The following SOX6 variants were observed in gnomAD, a reference collection of about 807,000 sequenced individuals.
SOX6 encodes the protein SRY-box transcription factor 6, also known as transcription factor SOX-6.
In SOX6, 11 loss-of-function variants were observed where a neutral mutation model predicts 97.8. The ratio of observed to expected loss-of-function variants is 0.11; its 90% CI spans 0.07 to 0.19. The LOEUF (loss-of-function observed/expected upper bound fraction) is 0.19. Ranked by LOEUF, SOX6 falls within the 10% of genes least tolerant of loss-of-function variation. The pLI, the probability that SOX6 is intolerant of heterozygous loss-of-function variation, is 1.00. For missense variants in SOX6, 810 were observed against 1,039.5 expected (o/e 0.78, Z 3.04); for synonymous variants, 360 against 371.4 (o/e 0.97, Z 0.35).
intron 1 of SOX6, among the ~76,000 whole-genome samples, chr11:16,424,551 A>G (rs1409657666): frequency 1.3e-5 from 2 of 152,230 alleles, no homozygotes; most frequent in Non-Finnish European, 2.9e-5. Context: ...GTAAAAAGGC[A>G]CAAGTGGTGA....
chr11:16,613,285 C>T lies in SOX6; in HGVS notation n.430-1025G>A, dbSNP rs1197061380. ...TCTCTCTTCCCCACCCCCAACTACC[C>T]CTGCCACTCAGATCAGCCGGCATGC... is the stretch of plus-strand genomic sequence containing the variant. On this transcript the variant is annotated intron_variant and non_coding_transcript_variant, in intron 3 of 5. Transcript: ENST00000524520. This position sits in a 1 kb window ranked among gnomAD's most constrained non-coding sequence, Gnocchi z 4.6. 6.6e-6 allele frequency: 1 copy of T among 152,602 alleles called. No homozygotes were observed. 9.5% of individuals were successfully genotyped at this position (152,602 alleles called of 1,614,324 possible).
At chr11:16,000,252 A>T (rs1042421463) in intron 13 of SOX6, among the ~76,000 whole-genome samples, 1 of 152,228 alleles carries the variant, frequency 6.6e-6, no homozygotes, top group African/African-American at 2.4e-5. Context: ...GGCAAAATAC[A>T]TTCCATGGCG....
At chr11:16,612,744 G>A (rs1437137221) in intron 3 of SOX6, among the ~76,000 whole-genome samples, 2 of 151,860 alleles carry the variant, frequency 1.3e-5, no homozygotes, top group South Asian at 2.1e-4. Flanking sequence ...TCTCCCCCAC[G>A]TCACCCTCCT....
intron 4 of SOX6, among the ~76,000 whole-genome samples, chr11:16,190,311 G>C (rs1851593574): frequency 6.6e-6 from 1 of 152,158 alleles, no homozygotes; most frequent in Admixed American, 6.5e-5. Context: ...CCTTAAACTT[G>C]AGGAGTACAT....
intron 4 of SOX6, among the ~76,000 whole-genome samples, chr11:16,566,530 C>A (rs1345740533): frequency 2.0e-5 from 3 of 152,192 alleles, no homozygotes; most frequent in African/African-American, 7.2e-5. Context: ...GTCAGCTAAG[C>A]CTATTGTATC....
intron 1 of SOX6, among the ~76,000 whole-genome samples, chr11:16,427,824 T>C (rs1184350795): frequency 6.6e-6 from 1 of 152,234 alleles, no homozygotes; most frequent in Non-Finnish European, 1.5e-5. Context: ...GCATGATTTA[T>C]AATCCTTTGG....
chr11:16,524,478 A>G (rs1352439555), intron 4 of SOX6, among the ~76,000 whole-genome samples: 2 of 152,118 alleles, frequency 1.3e-5, no homozygotes, highest in Non-Finnish European at 2.9e-5. Context: ...GATGGGACAT[A>G]TCTCAAAATA....
intron 3 of SOX6, among the ~76,000 whole-genome samples, chr11:16,625,139 T>A (rs556680830): frequency 1.3e-5 from 2 of 152,320 alleles, no homozygotes; most frequent in African/African-American, 2.4e-5. Context: ...AAAGTCCACA[T>A]TATTAGTTTT....
intron 3 of SOX6, among the ~76,000 whole-genome samples, chr11:16,673,053 C>T (rs971606823): frequency 6.6e-6 from 1 of 152,112 alleles, no homozygotes; most frequent in African/African-American, 2.4e-5. Flanking sequence ...GCTTGAGCGA[C>T]AGAGCAAGAC....
chr11:16,201,673 G>A (rs1249557447), intron 4 of SOX6, among the ~76,000 whole-genome samples: 6 of 112,846 alleles, frequency 5.3e-5, no homozygotes, highest in African/African-American at 1.8e-4. Context: ...TCGCTCTGTC[G>A]CCCAGGCTGG....
intron 6 of SOX6, among the ~76,000 whole-genome samples, chr11:16,173,648 C>A (rs1589996206): frequency 6.8e-6 from 1 of 147,488 alleles, no homozygotes; most frequent in Non-Finnish European, 1.5e-5. Context: ...AGAAAAACTA[C>A]TAGTAAATTT....
chr11:16,236,345 A>G (rs1350482470), intron 3 of SOX6, among the ~76,000 whole-genome samples: 1 of 152,110 alleles, frequency 6.6e-6, no homozygotes, highest in Non-Finnish European at 1.5e-5. Flanking sequence ...AGTCATAAAA[A>G]TGATAATACT....
chr11:16,475,245 G>A (rs1860220097), intron 1 of SOX6, among the ~76,000 whole-genome samples: 1 of 152,164 alleles, frequency 6.6e-6, no homozygotes, highest in Non-Finnish European at 1.5e-5. Context: ...ATTAACTGGA[G>A]TAGCACTTTG....
chr11:16,130,222 A>G (rs977754627), intron 6 of SOX6, among the ~76,000 whole-genome samples: 2 of 151,940 alleles, frequency 1.3e-5, no homozygotes, highest in African/African-American at 2.4e-5. Flanking sequence ...AATTTTAACC[A>G]AAGTTTATAA....
chr11:16,566,381 TG>T (rs1253725180), intron 4 of SOX6, among the ~76,000 whole-genome samples: 1 of 152,210 alleles, frequency 6.6e-6, no homozygotes, highest in Non-Finnish European at 1.5e-5. Flanking sequence ...TCATAAGTCC[TG>T]GGGGAGTTAG....
intron 12 of SOX6, among the ~76,000 whole-genome samples, chr11:16,025,980 G>A (rs538362040): frequency 6.6e-6 from 1 of 152,270 alleles, no homozygotes; most frequent in Admixed American, 6.5e-5. Context: ...CCAAGGAGGT[G>A]TGGACACTTA....
At chr11:16,395,706 G>A (rs1405376920) in intron 1 of SOX6, among the ~76,000 whole-genome samples, 2 of 151,636 alleles carry the variant, frequency 1.3e-5, no homozygotes, top group African/African-American at 4.8e-5. Context: ...AATGGTAGGT[G>A]GGGTTTTCCC....
chr11:16,508,425 CACT>C (rs1860823927), intron 4 of SOX6, among the ~76,000 whole-genome samples: 1 of 152,106 alleles, frequency 6.6e-6, no homozygotes, highest in Non-Finnish European at 1.5e-5. Flanking sequence ...CAGCACTATT[CACT>C]GTAGCAAAGT....
At chr11:16,062,669 A>G (rs1054417492) in intron 9 of SOX6, among the ~76,000 whole-genome samples, 2 of 151,788 alleles carry the variant, frequency 1.3e-5, no homozygotes, top group East Asian at 1.9e-4. Context: ...CCAGCAGTGT[A>G]TATGTGTAAA....
Sources: allele counts gnomAD v4.1 joint callset (sites outside exome capture counted in the v4.1 genomes callset), GRCh38; gene constraint gnomAD v4.1.1; non-coding constraint Gnocchi (gnomAD v3.1); transcripts MANE v1.5; gene names NCBI Gene and HGNC (gene_info 2026-07-23, HGNC 2026-07-21).